The following CRYZL1 variants were observed in gnomAD, a reference collection of about 807,000 sequenced individuals.
The protein encoded by CRYZL1 is crystallin zeta like 1, also known as ferry endosomal RAB5 effector complex subunit 4.
Under a neutral mutation model 50.6 loss-of-function variants are expected in CRYZL1, and 34 were observed. The observed-to-expected ratio is 0.67, with a 90% CI of 0.51 to 0.89. The LOEUF is 0.89. Ranked by LOEUF, CRYZL1 falls within the 40% of genes least tolerant of loss-of-function variation. The probability of loss-of-function intolerance (pLI) is 0.00; values close to 1 mark genes in which losing one functional copy is unlikely to be tolerated. For synonymous variants in CRYZL1, 125 were observed against 134.3 expected, an observed-to-expected ratio of 0.93 and a Z score of 0.48; for missense variants, 354 against 402.3, an observed-to-expected ratio of 0.88 and a Z score of 1.03.
rs114060273 is a variant in CRYZL1 at position 33,599,788 on chromosome 21, C to G, written c.578-540G>C. ...CTAGGACTACAGGTACATGCCACCA[C>G]GCATGGCTATTTTTTTAATTTTTTT... is the stretch of plus-strand genomic sequence containing the variant. On this transcript the variant is annotated intron_variant, in intron 8 of 12. Transcript: ENST00000381554. Among the ~76,000 whole-genome samples, 1,404 of 152,074 alleles carry G rather than the reference C, an allele frequency of 9.2e-3. 29 individuals carry two copies. The highest frequency in any genetic ancestry group is 0.033 in the African/African-American group (1,368 of 41,496).
intron 2 of CRYZL1, among the ~76,000 whole-genome samples, chr21:33,628,094 T>C (rs1475577719): frequency 6.6e-6 from 1 of 152,196 alleles, no homozygotes; most frequent in Non-Finnish European, 1.5e-5. Flanking sequence ...ACTTGCATTA[T>C]TGTGGTATTC....
chr21:33,621,114 C>T (rs888222752), intron 4 of CRYZL1, among the ~76,000 whole-genome samples: 1 of 148,950 alleles, frequency 6.7e-6, no homozygotes, highest in African/African-American at 2.5e-5. Context: ...ACCGTGTTAG[C>T]CAGGATGGTC....
chr21:33,621,325 T>A (rs1200397245), intron 4 of CRYZL1, among the ~76,000 whole-genome samples: 4 of 150,044 alleles, frequency 2.7e-5, no homozygotes, highest in African/African-American at 7.4e-5. Context: ...AAAAACATCA[T>A]GTAATTTTTT....
intron 6 of CRYZL1, among the ~76,000 whole-genome samples, chr21:33,608,042 T>C (rs11910640): frequency 0.032 from 4,850 of 152,336 alleles, 256 homozygotes; most frequent in African/African-American, 0.11. Context: ...AGCCATCATC[T>C]CAAATACTTA....
At chr21:33,626,531 T>C (rs2087065624) in intron 2 of CRYZL1, among the ~76,000 whole-genome samples, 1 of 151,602 alleles carries the variant, frequency 6.6e-6, no homozygotes, top group African/African-American at 2.4e-5. Context: ...ACCCGGTCTC[T>C]ACTAAAAATA....
chr21:33,602,647 A>G (rs1223474860), intron 7 of CRYZL1, among the ~76,000 whole-genome samples: 1 of 152,202 alleles, frequency 6.6e-6, no homozygotes, highest in African/African-American at 2.4e-5. Flanking sequence ...TTGCAAAGAG[A>G]AAACTGGGCC....
At chr21:33,605,207 T>C (rs1268951695) in intron 6 of CRYZL1, among the ~76,000 whole-genome samples, 1 of 152,200 alleles carries the variant, frequency 6.6e-6, no homozygotes, top group Non-Finnish European at 1.5e-5. Context: ...ATTCTTTATA[T>C]ATTCTAGAGA....
intron 4 of CRYZL1, among the ~76,000 whole-genome samples, chr21:33,617,790 C>A (rs972334313): frequency 1.3e-5 from 2 of 152,102 alleles, no homozygotes; most frequent in African/African-American, 4.8e-5. Context: ...GGACAGGGGT[C>A]GATCTTTAAC....
At chr21:33,593,614 G>A (rs2086664214) in intron 11 of CRYZL1, among the ~76,000 whole-genome samples, 3 of 152,118 alleles carry the variant, frequency 2.0e-5, no homozygotes, top group Non-Finnish European at 2.9e-5. Context: ...CCTTCTCATC[G>A]GGAGAGGTGG....
chr21:33,616,021 G>A (rs900527704), intron 5 of CRYZL1, among the ~76,000 whole-genome samples: 2 of 152,004 alleles, frequency 1.3e-5, no homozygotes, highest in African/African-American at 2.4e-5. Flanking sequence ...ATGCTGGTGC[G>A]CTGCACCCAC....
intron 10 of CRYZL1, 79 bp downstream of exon 10, chr21:33,597,201 C>T (rs1285536408): frequency 8.4e-6 from 12 of 1,428,960 alleles, no homozygotes; most frequent in South Asian, 1.2e-5. Context: ...CATACCTTGC[C>T]TCAAATAACT....
chr21:33,612,287 ATTTT>A (rs890783134), intron 6 of CRYZL1, among the ~76,000 whole-genome samples: 1 of 138,762 alleles, frequency 7.2e-6, no homozygotes, highest in Non-Finnish European at 1.6e-5. Flanking sequence ...TGGGATGGTC[ATTTT>A]TTTTTTTTTT....
intron 6 of CRYZL1, among the ~76,000 whole-genome samples, chr21:33,605,314 T>C (rs2086798875): frequency 6.6e-6 from 1 of 151,982 alleles, no homozygotes; most frequent in South Asian, 2.1e-4. Context: ...ATCATCAGAA[T>C]GATATTTTAA....
At position 33,589,569 on chromosome 21, in the gene CRYZL1, T is replaced by C. The variant is rs188922485; in HGVS notation, c.*253A>G. 154 of 508,172 alleles carry C rather than the reference T, an allele frequency of 3.0e-4. No homozygotes were observed. In the East Asian group the frequency reaches 4.6e-3, roughly 15 times the overall value. 31.5% of individuals were successfully genotyped at this position (508,172 alleles called of 1,614,324 possible). A position where few individuals can be genotyped will look rare whatever the true frequency, so the allele number is the denominator to read the frequency against. Reference sequence around the variant, plus strand: ...GGAATTTTATAGCAGGGGCAAAATATATAGAAACAATGAAAAGGTTTTTAG... The same window carrying C: ...GGAATTTTATAGCAGGGGCAAAATACATAGAAACAATGAAAAGGTTTTTAG... On this transcript the variant is annotated 3_prime_UTR_variant, in exon 13 of 13. Transcript: ENST00000381554.
At chr21:33,637,974 G>A (rs568368258) in intron 1 of CRYZL1, among the ~76,000 whole-genome samples, 1 of 148,940 alleles carries the variant, frequency 6.7e-6, no homozygotes, top group African/African-American at 2.6e-5. Flanking sequence ...TTGTTAGGGG[G>A]AAATCTTCAG....
intron 1 of CRYZL1, among the ~76,000 whole-genome samples, chr21:33,632,786 T>C (rs1181202948): frequency 6.6e-6 from 1 of 152,218 alleles, no homozygotes; most frequent in Admixed American, 6.5e-5. Context: ...AAGTATAAAA[T>C]ATAGAAAAGT....
chr21:33,616,765 AAATT>A lies in CRYZL1; in HGVS notation c.218-19_218-16del. 1 of 1,579,036 alleles carries A rather than the reference AAATT, an allele frequency of 6.3e-7. No individual in the cohort carries two copies. The highest frequency in any genetic ancestry group is 2.3e-5 in the East Asian group (1 of 44,280). ...CTTGCTTCCAACTAAAGAGTGAAGA[AAATT>A]AATAGTTAATATTACAAGTTTATTA... On this transcript the variant is annotated splice_polypyrimidine_tract_variant and intron_variant, in intron 4 of 12. Coordinates refer to ENST00000381554, the MANE Select transcript of CRYZL1 (RefSeq NM_145858.3).
At chr21:33,619,720 C>T (rs1470487826) in intron 4 of CRYZL1, among the ~76,000 whole-genome samples, 1 of 152,152 alleles carries the variant, frequency 6.6e-6, no homozygotes, top group Admixed American at 6.6e-5. Flanking sequence ...AAATGTTTCT[C>T]TGCTACCAAG....
At chr21:33,594,997 CT>C (rs144281104) in intron 11 of CRYZL1, 17,295 of 192,716 alleles carry the variant, frequency 0.09, 1,024 homozygotes, top group Non-Finnish European at 0.12. Flanking sequence ...GTAATGATAA[CT>C]TTTTTTTTAT....
Sources: allele counts gnomAD v4.1 joint callset (sites outside exome capture counted in the v4.1 genomes callset), GRCh38; gene constraint gnomAD v4.1.1; transcripts MANE v1.5; gene names NCBI Gene and HGNC (gene_info 2026-07-23, HGNC 2026-07-21).